SMARCA4: variants seen among roughly 807,000 people sequenced by gnomAD.
The protein encoded by SMARCA4 is SWI/SNF-related matrix-associated actin-dependent regulator of chromatin subfamily A member 4.
In SMARCA4, 31 loss-of-function variants were observed where a neutral mutation model predicts 193.9. The ratio of observed to expected loss-of-function variants is 0.16; its 90% CI spans 0.12 to 0.22. The LOEUF (loss-of-function observed/expected upper bound fraction) is 0.22, where lower values mean the gene tolerates loss of function less well. Among genes scored for constraint, SMARCA4 ranks in the 10% least tolerant of loss-of-function variants. The pLI, the probability that SMARCA4 is intolerant of heterozygous loss-of-function variation, is 1.00. For synonymous variants in SMARCA4, 942 were observed against 933.1 expected (o/e 1.01, Z -0.17); for missense variants, 1,148 against 2,296.0 (o/e 0.50, Z 10.22).
rs768239990 is a variant in SMARCA4, at chr19:10,986,871, C to G, written c.761-34C>G. The G allele has an allele frequency of 6.5e-7, 1 of 1,548,518 alleles. No homozygotes were observed. Among genetic ancestry groups the G allele is most frequent in the East Asian group, 2.2e-5 (1 of 44,558 alleles). On this transcript the variant is annotated intron_variant, in intron 4 of 34. Transcript: ENST00000344626. This position sits in a 1 kb window ranked among gnomAD's most constrained non-coding sequence, Gnocchi z 6.7. ...TGGGCGCAGGCATAAACCTGGGACG[C>G]ACTGTTTTCTCTTTTGTTTCTCCCT...
rs757643390 is a variant in SMARCA4, at chr19:11,019,741, G to A, written c.2616+40G>A. The A allele has an allele frequency of 1.4e-6, 2 of 1,390,542 alleles. No individual in the cohort carries two copies. The highest frequency in any genetic ancestry group is 1.2e-5 in the South Asian group (1 of 85,022). 86.1% of individuals were successfully genotyped at this position (1,390,542 alleles called of 1,614,324 possible). On this transcript the variant is annotated intron_variant, in intron 18 of 34. Transcript: ENST00000344626. This position sits in a 1 kb window ranked among gnomAD's most constrained non-coding sequence, Gnocchi z 6.1. ...TGGGAAATGCCAGGCCATGGGCCGA[G>A]TGCTCACACGTGGGTCACGCTGCCC...
At chr19:11,060,565 C>T (rs1257372057) in intron 34 of SMARCA4, 7 of 373,940 alleles carry the variant, frequency 1.9e-5, no homozygotes, top group Admixed American at 3.7e-5. Context: ...GACAGTGCCC[C>T]GTCTCCTCAG....
At chr19:11,032,296 C>G (rs2074981753) in intron 25 of SMARCA4, 1 of 152,442 alleles carries the variant, frequency 6.6e-6, no homozygotes, top group Non-Finnish European at 1.5e-5. Context: ...TGGTACTCAC[C>G]CTGGTCCTGC....
At position 10,987,096 on chromosome 19, in the gene SMARCA4, C is replaced by G; in HGVS notation, c.859+93C>G. On this transcript the variant is annotated intron_variant, in intron 5 of 34. Coordinates refer to ENST00000344626, the MANE Select transcript of SMARCA4 (RefSeq NM_003072.5). This position sits in a 1 kb window ranked among gnomAD's most constrained non-coding sequence, Gnocchi z 5.3. ...ATGAGCTTTGTCAGGGAGAAAGGGC[C>G]GAGGGTGGTCAGGCTGAACTGCAGC... The G allele has an allele frequency of 4.3e-6, 4 of 922,450 alleles. No homozygotes were observed. The highest frequency in any genetic ancestry group is 6.9e-6 in the Non-Finnish European group (4 of 581,550). The allele number at this position is 922,450 out of a possible 1,614,324, so 57.1% of individuals were successfully genotyped here.
At position 11,007,169 on chromosome 19, in the gene SMARCA4, C is replaced by T. The variant is rs964668871; in HGVS notation, c.2002-733C>T. 4.0e-5 allele frequency among the ~76,000 whole-genome samples: 6 copies of T among 151,254 alleles called. No individual in the cohort carries two copies. In the East Asian group the frequency reaches 7.9e-4, roughly 20 times the overall value. ...TTACTGGGCTGGGTGCGGTGGCTCA[C>T]GCCTGTAATCCCAGCACTTTGGGAA... On this transcript the variant is annotated intron_variant, in intron 13 of 34. Transcript: ENST00000344626.
intron 1 of SMARCA4, among the ~76,000 whole-genome samples, chr19:10,970,691 A>G (rs1055189779): frequency 6.6e-6 from 1 of 152,164 alleles, no homozygotes; most frequent in African/African-American, 2.4e-5. Context: ...AGGTGAGCCC[A>G]CTGCATCTGG....
At chr19:11,035,211 A>C in intron 29 of SMARCA4, 79 bp downstream of exon 29, 4 of 1,346,862 alleles carry the variant, frequency 3.0e-6, no homozygotes, top group Non-Finnish European at 3.1e-6. Flanking sequence ...CACCGCCAGG[A>C]CTCAGGCCTG....
intron 8 of SMARCA4, among the ~76,000 whole-genome samples, chr19:10,993,393 T>C (rs895501698): frequency 3.9e-5 from 6 of 152,272 alleles, no homozygotes; most frequent in African/African-American, 1.4e-4. Context: ...TTTTCCTGTT[T>C]GAGGACATGC....
chr19:11,057,141 C>G (rs539841379), intron 30 of SMARCA4, among the ~76,000 whole-genome samples: 2 of 152,238 alleles, frequency 1.3e-5, no homozygotes, highest in Non-Finnish European at 2.9e-5. Flanking sequence ...TGCTTGGGGC[C>G]GTTCCCTGGC....
chr19:10,982,130 A>C (rs1462483421), intron 1 of SMARCA4, among the ~76,000 whole-genome samples: 1 of 151,982 alleles, frequency 6.6e-6, no homozygotes, highest in African/African-American at 2.4e-5. Flanking sequence ...CCTGAAGGTC[A>C]GACGTTCGAG....
intron 1 of SMARCA4, among the ~76,000 whole-genome samples, chr19:10,975,318 CTTTTTT>C (rs372249804): frequency 1.9e-5 from 2 of 107,466 alleles, no homozygotes; most frequent in Non-Finnish European, 3.9e-5. Context: ...TCCAACCTTA[CTTTTTT>C]TTTTTTTTTT....
intron 13 of SMARCA4, among the ~76,000 whole-genome samples, chr19:11,007,031 G>T (rs775701327): frequency 6.6e-6 from 1 of 152,058 alleles, no homozygotes. Context: ...AGGTAGCAGC[G>T]AGCTGAGATA....
chr19:10,996,563 T>C lies in SMARCA4; in HGVS notation c.1812+19T>C. ...TGGCGAGGTGAGGAAGCAGGGTTTC[T>C]TGTGGAAGTATCAAGCTAGCCCTAA... is the stretch of plus-strand genomic sequence containing the variant. On this transcript the variant is annotated intron_variant, in intron 11 of 34. Coordinates refer to ENST00000344626, the MANE Select transcript of SMARCA4 (RefSeq NM_003072.5). The C allele has an allele frequency of 6.2e-7, 1 of 1,612,740 alleles. No individual in the cohort carries two copies. Among genetic ancestry groups the C allele is most frequent in the Non-Finnish European group, 8.5e-7 (1 of 1,178,682 alleles).
chr19:11,039,333 G>A (rs2075439695), intron 29 of SMARCA4: 4 of 542,632 alleles, frequency 7.4e-6, no homozygotes, highest in South Asian at 2.4e-5. Flanking sequence ...CAGCCTGGGC[G>A]ACAGAATGAG....
chr19:11,034,863 C>A lies in SMARCA4; in HGVS notation c.3952-51C>A, dbSNP rs1197954341. On this transcript the variant is annotated intron_variant, in intron 28 of 34. Coordinates refer to ENST00000344626, the MANE Select transcript of SMARCA4 (RefSeq NM_003072.5). This position sits in a 1 kb window ranked among gnomAD's most constrained non-coding sequence, Gnocchi z 7.0. ...CTCTCGGTGTTCTGGCTCTAGCGTG[C>A]CCCTGGTGCCTGCATGCTGATGCCT... 3.2e-6 allele frequency: 4 copies of A among 1,233,116 alleles called. No individual in the cohort carries two copies. Among genetic ancestry groups the A allele is most frequent in the Non-Finnish European group, 4.6e-6 (4 of 865,066 alleles). The allele number at this position is 1,233,116 out of a possible 1,614,324, so 76.4% of individuals were successfully genotyped here. A position where few individuals can be genotyped will look rare whatever the true frequency, so the allele number is the denominator to read the frequency against.
chr19:10,984,064 C>A lies in SMARCA4; in HGVS notation c.-31-57C>A. 2 of 1,385,950 alleles carry A rather than the reference C, an allele frequency of 1.4e-6. No individual in the cohort carries two copies. Among genetic ancestry groups the A allele is most frequent in the Non-Finnish European group, 2.0e-6 (2 of 978,228 alleles). The allele number at this position is 1,385,950 out of a possible 1,614,324, so 85.9% of individuals were successfully genotyped here. A position where few individuals can be genotyped will look rare whatever the true frequency, so the allele number is the denominator to read the frequency against. Reference sequence around the variant, plus strand: ...TGACCGTATGATTGTCCCTTGCTATCCCTGTCCTGCCTCGCCCTTGGTCAT... The same window carrying A: ...TGACCGTATGATTGTCCCTTGCTATACCTGTCCTGCCTCGCCCTTGGTCAT... On this transcript the variant is annotated intron_variant, in intron 1 of 34. Coordinates refer to ENST00000344626, the MANE Select transcript of SMARCA4 (RefSeq NM_003072.5). This position sits in a 1 kb window ranked among gnomAD's most constrained non-coding sequence, Gnocchi z 4.3.
At chr19:11,045,135 A>G (rs1345968433) in intron 30 of SMARCA4, among the ~76,000 whole-genome samples, 2 of 152,162 alleles carry the variant, frequency 1.3e-5, no homozygotes, top group Non-Finnish European at 2.9e-5. Context: ...CCTGGCTAAC[A>G]TGGTGAAACA....
At position 11,041,213 on chromosome 19, in the gene SMARCA4, T is replaced by G. The variant is rs1420304894; in HGVS notation, c.4171-94T>G. 7 of 1,397,312 alleles carry G rather than the reference T, an allele frequency of 5.0e-6. No individual in the cohort carries two copies. The highest frequency in any genetic ancestry group is 6.8e-6 in the Non-Finnish European group (7 of 1,026,682). 86.6% of individuals were successfully genotyped at this position (1,397,312 alleles called of 1,614,324 possible). On this transcript the variant is annotated intron_variant, in intron 29 of 34. Coordinates refer to ENST00000344626, the MANE Select transcript of SMARCA4 (RefSeq NM_003072.5). The surrounding 1 kb of genome is among the most constrained non-coding windows in gnomAD (Gnocchi z 5.6). ...GGGAGAGCGGGTGCGGGGGCCCTCC[T>G]CCGTGTCCCAGCCCGGCCCCTGGGA... is the stretch of plus-strand genomic sequence containing the variant.
intron 30 of SMARCA4, among the ~76,000 whole-genome samples, chr19:11,053,606 C>G (rs545595434): frequency 1.7e-4 from 26 of 152,288 alleles, no homozygotes; most frequent in African/African-American, 6.3e-4. Context: ...GCAGGCCCAG[C>G]AAGCCTCAAA....
Sources: gnomAD v4.1 joint callset for allele counts (sites outside exome capture counted in the v4.1 genomes callset) on GRCh38, gnomAD v4.1.1 for gene constraint, Gnocchi (gnomAD v3.1) non-coding constraint, MANE v1.5 for transcripts, NCBI Gene and HGNC (gene_info 2026-07-23, HGNC 2026-07-21) for gene names.